XKR3: variants seen among roughly 807,000 people sequenced by gnomAD.
XKR3 encodes the protein XK-related protein 3.
XKR3 carries 27 observed loss-of-function variants against 40.3 expected under a neutral mutation model. That is an observed-to-expected ratio of 0.67 (90% confidence interval 0.49 to 0.92). The LOEUF (loss-of-function observed/expected upper bound fraction) is 0.92. XKR3 is among the 40% of genes least tolerant of loss of function. XKR3 has a pLI of 0.00. For synonymous variants in XKR3, 193 were observed against 195.4 expected (o/e 0.99, Z 0.10); for missense variants, 472 against 537.6 (o/e 0.88, Z 1.21).
chr22:16,806,439 G>C (rs1191591765), intron 2 of XKR3, among the ~76,000 whole-genome samples: 3 of 148,782 alleles, frequency 2.0e-5, no homozygotes, highest in Admixed American at 2.0e-4. Flanking sequence ...TTATAATGCA[G>C]ATCACATTTT....
At chr22:16,814,927 G>A (rs2192429) in intron 1 of XKR3, among the ~76,000 whole-genome samples, 4 of 151,266 alleles carry the variant, frequency 2.6e-5, no homozygotes, top group Non-Finnish European at 5.9e-5. Context: ...TTCCAATTTA[G>A]ATGGCTTTTT....
chr22:16,808,102 CT>C lies in XKR3; in HGVS notation c.-10-20del. The C allele has an allele frequency of 6.5e-7, 1 of 1,545,204 alleles. No individual in the cohort carries two copies. Among genetic ancestry groups the C allele is most frequent in the Non-Finnish European group, 8.7e-7 (1 of 1,144,110 alleles). ...CAGGGTGCTGCTAATTCAAAGTCGT[CT>C]TGTCAGTGAATCCAGTAGAGTTCAG... On this transcript the variant is annotated intron_variant, in intron 1 of 3. Coordinates refer to ENST00000684488, the MANE Select transcript of XKR3 (RefSeq NM_001386955.1).
At chr22:16,786,321 G>A (rs1327150632) in intron 3 of XKR3, among the ~76,000 whole-genome samples, 14 of 151,788 alleles carry the variant, frequency 9.2e-5, no homozygotes, top group Non-Finnish European at 1.6e-4. Context: ...TGTAGTCCCA[G>A]CTATTCAGGA....
chr22:16,801,644 A>G (rs1195348824), intron 2 of XKR3, among the ~76,000 whole-genome samples: 2 of 152,084 alleles, frequency 1.3e-5, no homozygotes, highest in African/African-American at 4.8e-5. Flanking sequence ...GGTGTTAAAG[A>G]GTTATAATTA....
intron 3 of XKR3, among the ~76,000 whole-genome samples, chr22:16,790,952 C>T (rs5992548): frequency 0.86 from 129,830 of 151,352 alleles, 55,780 homozygotes; most frequent in Middle Eastern, 0.97. Context: ...GGTGATAATG[C>T]AAATCACTAA....
At chr22:16,808,618 T>G (rs1569041560) in intron 1 of XKR3, among the ~76,000 whole-genome samples, 1 of 152,242 alleles carries the variant, frequency 6.6e-6, no homozygotes, top group South Asian at 2.1e-4. Flanking sequence ...TGACTGAACT[T>G]AACTCTATGA....
At chr22:16,813,703 G>A (rs183520998) in intron 1 of XKR3, among the ~76,000 whole-genome samples, 137 of 152,230 alleles carry the variant, frequency 9.0e-4, no homozygotes, top group African/African-American at 3.1e-3. Context: ...CTTAATTTTA[G>A]GAACATATGG....
chr22:16,820,403 C>T (rs1464724436), intron 1 of XKR3, among the ~76,000 whole-genome samples: 8 of 152,110 alleles, frequency 5.3e-5, no homozygotes, highest in Admixed American at 2.0e-4. Context: ...CTGTTTCTGC[C>T]ACACTATGCA....
chr22:16,804,516 G>A (rs2060181999), intron 2 of XKR3, among the ~76,000 whole-genome samples: 1 of 151,970 alleles, frequency 6.6e-6, no homozygotes, highest in South Asian at 2.1e-4. Flanking sequence ...TTTACTTCCA[G>A]GCCCTCCCAA....
chr22:16,805,817 C>T (rs917279985), intron 2 of XKR3, among the ~76,000 whole-genome samples: 4 of 152,102 alleles, frequency 2.6e-5, no homozygotes, highest in African/African-American at 9.7e-5. Flanking sequence ...AACAAGGCTG[C>T]CAGGTCCATT....
rs757244868 is a variant in XKR3, at chr22:16,784,123, G to A, written c.876C>T (p.Gly292=). Residue 292 remains glycine, a synonymous_variant, in exon 4 of 4, where the codon GGC becomes GGT. Transcript: ENST00000684488. ...CCATATTGGAATTATTTTCTTTGTTGCCAGGAAGATGAGCTCCACTTTTCC... is the reference window on the plus strand; with the variant it reads ...CCATATTGGAATTATTTTCTTTGTTACCAGGAAGATGAGCTCCACTTTTCC... ...EFWKSGAHLP[G]NKENNSNMVG... is the part of the protein sequence containing the mutation. 1.2e-6 allele frequency: 2 copies of A among 1,614,120 alleles called. No individual in the cohort carries two copies. Among genetic ancestry groups the A allele is most frequent in the East Asian group, 2.2e-5 (1 of 44,884 alleles).
At chr22:16,801,007 C>A (rs1337795987) in intron 2 of XKR3, among the ~76,000 whole-genome samples, 1 of 151,796 alleles carries the variant, frequency 6.6e-6, no homozygotes, top group Non-Finnish European at 1.5e-5. Flanking sequence ...ATAACTTTAA[C>A]AAAATTACAA....
chr22:16,819,176 G>A (rs1401020752), intron 1 of XKR3, among the ~76,000 whole-genome samples: 1 of 152,074 alleles, frequency 6.6e-6, no homozygotes, highest in Admixed American at 6.6e-5. Context: ...TTGTGTTAAT[G>A]TATTGGAAGA....
chr22:16,820,822 T>C (rs956899024), intron 1 of XKR3, among the ~76,000 whole-genome samples: 4 of 152,186 alleles, frequency 2.6e-5, no homozygotes, highest in African/African-American at 9.7e-5. Context: ...ACCCCTGAAA[T>C]GTCATGCACA....
intron 2 of XKR3, among the ~76,000 whole-genome samples, chr22:16,807,440 A>G (rs775894787): frequency 6.6e-6 from 1 of 152,224 alleles, no homozygotes. Context: ...CCTCATAACT[A>G]TTTAAAATGC....
At chr22:16,808,368 T>G (rs1045206116) in intron 1 of XKR3, among the ~76,000 whole-genome samples, 2 of 152,166 alleles carry the variant, frequency 1.3e-5, no homozygotes, top group African/African-American at 4.8e-5. Flanking sequence ...TAGTCCTATC[T>G]CCAAGTAGTA....
intron 3 of XKR3, among the ~76,000 whole-genome samples, chr22:16,796,508 A>G (rs1338185128): frequency 2.0e-5 from 3 of 152,226 alleles, no homozygotes; most frequent in Non-Finnish European, 2.9e-5. Flanking sequence ...CTAGTACACC[A>G]CAATCACAGT....
chr22:16,797,232 G>A (rs1452717577), intron 3 of XKR3, among the ~76,000 whole-genome samples: 2 of 152,108 alleles, frequency 1.3e-5, no homozygotes, highest in African/African-American at 4.8e-5. Flanking sequence ...AAATAACCTA[G>A]GAAGCATTAT....
At chr22:16,816,461 A>G (rs2060234028) in intron 1 of XKR3, among the ~76,000 whole-genome samples, 1 of 151,686 alleles carries the variant, frequency 6.6e-6, no homozygotes, top group Non-Finnish European at 1.5e-5. Context: ...AAAAGGGCCC[A>G]GTTAGTTGAT....
Sources: gnomAD v4.1 joint callset for allele counts (sites outside exome capture counted in the v4.1 genomes callset) on GRCh38, gnomAD v4.1.1 for gene constraint, MANE v1.5 for transcripts, NCBI Gene and HGNC (gene_info 2026-07-23, HGNC 2026-07-21) for gene names.